Variants in PLPP1 observed in about 807,000 individuals in gnomAD.
PLPP1 encodes the protein phospholipid phosphatase 1, also known as lipid phosphate phosphohydrolase 1a.
In PLPP1, 24 loss-of-function variants were observed where a neutral mutation model predicts 31.2. The ratio of observed to expected loss-of-function variants is 0.77; its 90% CI spans 0.56 to 1.08. The LOEUF (loss-of-function observed/expected upper bound fraction) is 1.08. PLPP1 is among the 50% of genes least tolerant of loss of function. The pLI is 0.00. For missense variants in PLPP1, 319 were observed against 342.7 expected (o/e 0.93, Z 0.55); for synonymous variants, 146 against 126.3 (o/e 1.16, Z -1.05).
Position 55,426,040 on chromosome 5 carries a change from C to A in PLPP1, c.550-1G>T. 6.4e-7 allele frequency: 1 copy of A among 1,571,892 alleles called. No individual in the cohort carries two copies. The highest frequency in any genetic ancestry group is 8.6e-7 in the Non-Finnish European group (1 of 1,165,932). On this transcript the variant is annotated splice_acceptor_variant, in intron 4 of 5. Coordinates refer to ENST00000307259, the MANE Select transcript of PLPP1 (RefSeq NM_003711.4). LOFTEE classifies it high-confidence loss of function. ...CCTTCATCCTGGCTTGAAGATAAAG[C>A]TAAAAGAAAAGAATAAAGAAAAAAA...
intron 1 of PLPP1, among the ~76,000 whole-genome samples, chr5:55,478,561 G>T (rs1163354564): frequency 6.6e-6 from 1 of 152,170 alleles, no homozygotes; most frequent in Non-Finnish European, 1.5e-5. Flanking sequence ...GGTCTCTAAA[G>T]TCACAGAGGT....
chr5:55,452,458 A>G (rs1001881031), intron 3 of PLPP1, among the ~76,000 whole-genome samples: 1 of 152,186 alleles, frequency 6.6e-6, no homozygotes, highest in South Asian at 2.1e-4. Flanking sequence ...TACACAGCCT[A>G]TAGAACCATA....
At chr5:55,515,794 A>G (rs977850184) in intron 1 of PLPP1, among the ~76,000 whole-genome samples, 7 of 152,150 alleles carry the variant, frequency 4.6e-5, no homozygotes, top group African/African-American at 1.7e-4. Context: ...AGCTCAGTAT[A>G]AAGTCTTCTT....
rs1011042684 is a variant in PLPP1, at chr5:55,449,436, G to A, written c.492-7528C>T. Among the ~76,000 whole-genome samples, 6 of 151,870 alleles carry A rather than the reference G, an allele frequency of 4.0e-5. No individual in the cohort carries two copies. In the South Asian group the frequency reaches 1.0e-3, roughly 26 times the overall value. ...CAGATTTCTTACAAATCTCTTCCCC[G>A]CCAAATACACACACACAGTCTACAT... On this transcript the variant is annotated intron_variant, in intron 3 of 5. Transcript: ENST00000307259.
Position 55,425,152 on chromosome 5 carries a change from C to A in PLPP1, c.*54G>T. On this transcript the variant is annotated 3_prime_UTR_variant, in exon 6 of 6. Coordinates refer to ENST00000307259, the MANE Select transcript of PLPP1 (RefSeq NM_003711.4). ...AAAGATGCATCCTCTTGCCTTGTGGCAATCATTTTCCTTTAGAAAACAGGC... is the reference window on the plus strand; with the variant it reads ...AAAGATGCATCCTCTTGCCTTGTGGAAATCATTTTCCTTTAGAAAACAGGC... 1 of 1,574,620 alleles carries A rather than the reference C, an allele frequency of 6.4e-7. No individual in the cohort carries two copies. Among genetic ancestry groups the A allele is most frequent in the Non-Finnish European group, 8.6e-7 (1 of 1,162,628 alleles).
At chr5:55,427,777 G>T (rs534899674) in intron 4 of PLPP1, among the ~76,000 whole-genome samples, 2 of 148,376 alleles carry the variant, frequency 1.3e-5, no homozygotes, top group African/African-American at 2.5e-5. Flanking sequence ...CACTTTTTTG[G>T]GGGGGGGGAT....
intron 3 of PLPP1, among the ~76,000 whole-genome samples, chr5:55,463,032 G>A (rs921507460): frequency 1.3e-5 from 2 of 152,046 alleles, no homozygotes; most frequent in African/African-American, 4.8e-5. Flanking sequence ...CATGTCTTTT[G>A]CAGGGACACG....
At chr5:55,487,921 G>A (rs1752808390) in intron 1 of PLPP1, among the ~76,000 whole-genome samples, 1 of 151,618 alleles carries the variant, frequency 6.6e-6, no homozygotes, top group Non-Finnish European at 1.5e-5. Flanking sequence ...CTGAGGTCAG[G>A]GTTCCAGAAC....
At position 55,433,144 on chromosome 5, in the gene PLPP1, CAAA is replaced by C. The variant is rs57495015; in HGVS notation, c.550-7108_550-7106del. Among the ~76,000 whole-genome samples, 86 of 125,294 alleles carry C rather than the reference CAAA, an allele frequency of 6.9e-4. 1 individual carries two copies. The highest frequency in any genetic ancestry group is 3.9e-3 in the Middle Eastern group (1 of 254). 82.2% of individuals were successfully genotyped at this position (125,294 alleles called of 152,430 possible). On this transcript the variant is annotated intron_variant, in intron 4 of 5. Coordinates refer to ENST00000307259, the MANE Select transcript of PLPP1 (RefSeq NM_003711.4). ...GCAACATGGCGACACCCCATCTCTA[CAAA>C]AAAAAAAAAAAAAAAAATACAAAAA...
At chr5:55,513,265 C>T (rs951065325) in intron 1 of PLPP1, among the ~76,000 whole-genome samples, 1 of 31,056 alleles carries the variant, frequency 3.2e-5, no homozygotes, top group Non-Finnish European at 8.6e-5. Context: ...ACTATAATGA[C>T]TCCTTTTTTT....
intron 3 of PLPP1, among the ~76,000 whole-genome samples, chr5:55,460,401 G>A (rs1752127861): frequency 6.6e-6 from 1 of 151,900 alleles, no homozygotes; most frequent in South Asian, 2.1e-4. Context: ...CTAACCAAAA[G>A]GTTAATAAAA....
At chr5:55,425,778 G>A (rs1751168737) in intron 5 of PLPP1, 85 bp downstream of exon 5, 1 of 1,227,066 alleles carries the variant, frequency 8.1e-7, no homozygotes, top group Non-Finnish European at 1.1e-6. Context: ...CTCCTCAGCT[G>A]GGGATTTTTT....
chr5:55,513,592 G>A (rs931577100), intron 1 of PLPP1, among the ~76,000 whole-genome samples: 44 of 152,024 alleles, frequency 2.9e-4, no homozygotes, highest in South Asian at 8.3e-4. Context: ...CTTGAAGAAA[G>A]CTGGCAAATT....
chr5:55,441,150 G>A (rs903071105), intron 4 of PLPP1, among the ~76,000 whole-genome samples: 1 of 152,104 alleles, frequency 6.6e-6, no homozygotes, highest in African/African-American at 2.4e-5. Context: ...CTGAAGCCTG[G>A]TCTTGCATTA....
At chr5:55,530,833 A>C in intron 1 of PLPP1, 1 of 1,262,156 alleles carries the variant, frequency 7.9e-7, no homozygotes, top group Non-Finnish European at 1.2e-6. Context: ...CTCCTGACAG[A>C]CGGGGCAGTA....
At chr5:55,434,002 G>A (rs1391507547) in intron 4 of PLPP1, among the ~76,000 whole-genome samples, 1 of 151,826 alleles carries the variant, frequency 6.6e-6, no homozygotes, top group East Asian at 2.0e-4. Flanking sequence ...CCGGGTGCAT[G>A]CCTGTAATCC....
intron 2 of PLPP1, among the ~76,000 whole-genome samples, chr5:55,472,694 AAGAG>A (rs879389971): frequency 3.3e-5 from 5 of 151,376 alleles, no homozygotes; most frequent in African/African-American, 9.7e-5. Flanking sequence ...TAAAGACAGA[AAGAG>A]AGAGAAAAAG....
intron 4 of PLPP1, among the ~76,000 whole-genome samples, chr5:55,426,354 T>C (rs1288949434): frequency 6.6e-6 from 1 of 152,184 alleles, no homozygotes; most frequent in African/African-American, 2.4e-5. Context: ...CCCTTGCAAT[T>C]TGGGTTATAA....
At chr5:55,443,212 T>TATATATATATATATAC (rs1169152710) in intron 3 of PLPP1, among the ~76,000 whole-genome samples, 35 of 104,982 alleles carry the variant, frequency 3.3e-4, no homozygotes, top group Non-Finnish European at 4.9e-4. Flanking sequence ...TATATATATA[T>TATATATATATATATAC]ACACACACAC....
Sources: allele counts gnomAD v4.1 joint callset (sites outside exome capture counted in the v4.1 genomes callset), GRCh38; gene constraint gnomAD v4.1.1; transcripts MANE v1.5; gene names NCBI Gene and HGNC (gene_info 2026-07-23, HGNC 2026-07-21).